STAU2: variants seen among roughly 807,000 people sequenced by gnomAD.
STAU2 encodes the protein staufen double-stranded RNA binding protein 2, also known as double-stranded RNA-binding protein Staufen homolog 2.
In STAU2, 20 loss-of-function variants were observed where a neutral mutation model predicts 65.9. The ratio of observed to expected loss-of-function variants is 0.30; its 90% CI spans 0.21 to 0.44. STAU2 has a LOEUF of 0.44. STAU2 is among the 20% of genes least tolerant of loss of function. The pLI is 1.00. For missense variants in STAU2, 558 were observed against 683.9 expected (o/e 0.82, Z 2.05); for synonymous variants, 232 against 233.9 (o/e 0.99, Z 0.07).
intron 5 of STAU2, among the ~76,000 whole-genome samples, chr8:73,681,711 T>C (rs1350802055): frequency 6.6e-6 from 1 of 152,086 alleles, no homozygotes; most frequent in Non-Finnish European, 1.5e-5. Flanking sequence ...ACCAACCAAG[T>C]ATCTGCTGTT....
intron 13 of STAU2, among the ~76,000 whole-genome samples, chr8:73,474,464 T>G (rs1820207816): frequency 1.3e-5 from 2 of 152,160 alleles, no homozygotes; most frequent in African/African-American, 4.8e-5. Flanking sequence ...ACCTAAAGAA[T>G]AAAAAGACCT....
At chr8:73,505,204 G>A (rs931015572) in intron 13 of STAU2, among the ~76,000 whole-genome samples, 1 of 152,128 alleles carries the variant, frequency 6.6e-6, no homozygotes, top group African/African-American at 2.4e-5. Flanking sequence ...ATCAGAGCTA[G>A]AGTGCAGCCC....
At chr8:73,505,190 C>A (rs117354173) in intron 13 of STAU2, among the ~76,000 whole-genome samples, 2,193 of 152,204 alleles carry the variant, frequency 0.014, 15 homozygotes, top group Non-Finnish European at 0.022. Flanking sequence ...GTGTGGCAGG[C>A]TTAATCAGAG....
In STAU2 at chr8:73,595,286, G is replaced by A. The variant is rs1180127486; in HGVS notation, c.1041C>T (p.Gly347=). 1 of 1,601,822 alleles carries A rather than the reference G, an allele frequency of 6.2e-7. No homozygotes were observed. The highest frequency in any genetic ancestry group is 2.3e-5 in the East Asian group (1 of 44,354). Residue 347 remains glycine (G), a synonymous_variant, in exon 11 of 15, where the codon GGC becomes GGT. Coordinates refer to ENST00000524300, the MANE Select transcript of STAU2 (RefSeq NM_001164380.2). The part of the protein sequence containing the change: ...RREFVMQVKV[G]NEVATGTGPN... ...GTCCTGTTCCTGTAGCAACTTCATT[G>A]CCTACCTTCACCTGATAAGATTAAA...
chr8:73,548,563 G>A (rs1414133483), intron 13 of STAU2, among the ~76,000 whole-genome samples: 2 of 152,304 alleles, frequency 1.3e-5, no homozygotes, highest in South Asian at 2.1e-4. Flanking sequence ...TGAAAAGGAA[G>A]ATTTTAATTT....
intron 6 of STAU2, among the ~76,000 whole-genome samples, chr8:73,628,691 T>G (rs994907243): frequency 2.0e-5 from 3 of 152,192 alleles, no homozygotes; most frequent in Admixed American, 1.3e-4. Flanking sequence ...AAAAGTTTGT[T>G]AGAAGTATAA....
chr8:73,608,590 G>A (rs1812206398), intron 9 of STAU2, among the ~76,000 whole-genome samples: 1 of 139,348 alleles, frequency 7.2e-6, no homozygotes, highest in Non-Finnish European at 1.5e-5. Context: ...CAGCTTGGGT[G>A]ACAGAGCAAG....
At chr8:73,541,187 A>G (rs1227499065) in intron 13 of STAU2, among the ~76,000 whole-genome samples, 2 of 152,190 alleles carry the variant, frequency 1.3e-5, no homozygotes, top group East Asian at 3.9e-4. Context: ...CTGTAGTATC[A>G]GTGGGTGTGT....
At chr8:73,642,225 C>G (rs1270358286) in intron 6 of STAU2, among the ~76,000 whole-genome samples, 1 of 152,158 alleles carries the variant, frequency 6.6e-6, no homozygotes, top group Non-Finnish European at 1.5e-5. Flanking sequence ...GTCTCCCCCA[C>G]TCAAAAACTT....
At chr8:73,706,308 G>C (rs180692324) in intron 4 of STAU2, among the ~76,000 whole-genome samples, 1 of 151,984 alleles carries the variant, frequency 6.6e-6, no homozygotes, top group African/African-American at 2.4e-5. Context: ...AGTAGAGAAG[G>C]GTTTCACCAT....
chr8:73,669,643 CT>C lies in STAU2; in HGVS notation c.410+3463del, dbSNP rs1817521080. On this transcript the variant is annotated intron_variant, in intron 6 of 14. Transcript: ENST00000524300. ...CTATTTCTTGAGCCTGGAATTCTCT[CT>C]CTCTCTCTCTCTCTCTCTCTCTCTC... Among the ~76,000 whole-genome samples the C allele has an allele frequency of 1.1e-4, 17 of 149,790 alleles. No homozygotes were observed. In the South Asian group the frequency reaches 3.4e-3, roughly 30 times the overall value.
chr8:73,624,829 C>T (rs556856270), intron 6 of STAU2, among the ~76,000 whole-genome samples: 49 of 152,194 alleles, frequency 3.2e-4, no homozygotes, highest in Non-Finnish European at 6.2e-4. Flanking sequence ...TTCTGAAGAT[C>T]TCTGTACGCC....
intron 13 of STAU2, chr8:73,550,222 A>C: frequency 1.0e-6 from 1 of 985,358 alleles, no homozygotes; most frequent in Non-Finnish European, 1.2e-6. Context: ...GAAACATATA[A>C]CGTGTCCATA....
chr8:73,422,831 A>C (rs1473084374), intron 13 of STAU2, 129 bp from the exon 14 acceptor site: 2 of 576,000 alleles, frequency 3.5e-6, no homozygotes, highest in Admixed American at 8.3e-5. Flanking sequence ...ATTGTTTAAC[A>C]AAAGTACACT....
intron 6 of STAU2, 105 bp downstream of exon 6, chr8:73,673,002 C>A: frequency 9.0e-7 from 1 of 1,107,278 alleles, no homozygotes; most frequent in Non-Finnish European, 1.2e-6. Flanking sequence ...GCACAATGCC[C>A]AAGGTCAATT....
At chr8:73,497,688 C>T (rs1413853391) in intron 13 of STAU2, among the ~76,000 whole-genome samples, 1 of 151,758 alleles carries the variant, frequency 6.6e-6, no homozygotes, top group Non-Finnish European at 1.5e-5. Context: ...AAAAATCATA[C>T]ATAATTTCAA....
chr8:73,691,287 G>T (rs1018490158), intron 4 of STAU2, among the ~76,000 whole-genome samples: 1 of 152,120 alleles, frequency 6.6e-6, no homozygotes, highest in African/African-American at 2.4e-5. Context: ...CAATAGTTCA[G>T]GTTCAAACCT....
chr8:73,461,492 C>T (rs1248363068), intron 13 of STAU2, among the ~76,000 whole-genome samples: 1 of 152,014 alleles, frequency 6.6e-6, no homozygotes, highest in African/African-American at 2.4e-5. Context: ...GTTTGAAAGA[C>T]AATCATAAAC....
intron 13 of STAU2, among the ~76,000 whole-genome samples, chr8:73,488,867 C>T (rs960321280): frequency 6.6e-6 from 1 of 151,886 alleles, no homozygotes; most frequent in African/African-American, 2.4e-5. Flanking sequence ...CATTGTGGGT[C>T]AGAGGAATTA....
Sources: allele counts gnomAD v4.1 joint callset (sites outside exome capture counted in the v4.1 genomes callset), GRCh38; gene constraint gnomAD v4.1.1; transcripts MANE v1.5; gene names NCBI Gene and HGNC (gene_info 2026-07-23, HGNC 2026-07-21).